Variants in RIT2 observed in about 807,000 individuals in gnomAD.
The protein encoded by RIT2 is Ras like without CAAX 2, also known as GTP-binding protein Rit2.
A neutral mutation model predicts 23.7 loss-of-function variants in RIT2; 24 were observed. The ratio of observed to expected loss-of-function variants is 1.01; its 90% CI spans 0.73 to 1.43. RIT2 has a LOEUF of 1.43. Ranked by LOEUF, RIT2 falls within the 40% of genes most tolerant of loss-of-function variation. RIT2 has a pLI of 0.00. For missense variants in RIT2, 236 were observed against 266.9 expected, an observed-to-expected ratio of 0.88 and a Z score of 0.81; for synonymous variants, 107 against 91.1, an observed-to-expected ratio of 1.17 and a Z score of -0.99.
chr18:42,751,225 A>C (rs1040625275), intron 4 of RIT2, among the ~76,000 whole-genome samples: 3 of 151,902 alleles, frequency 2.0e-5, no homozygotes, highest in Non-Finnish European at 4.4e-5. Context: ...ATTTCCACCA[A>C]CATAGAAAGG....
chr18:42,899,628 A>G (rs1908423210), intron 4 of RIT2, among the ~76,000 whole-genome samples: 1 of 151,890 alleles, frequency 6.6e-6, no homozygotes, highest in Non-Finnish European at 1.5e-5. Flanking sequence ...GGTAATGCAA[A>G]CCTGAGGTGC....
chr18:42,745,221 C>T (rs985825453), intron 4 of RIT2, among the ~76,000 whole-genome samples: 2 of 152,106 alleles, frequency 1.3e-5, no homozygotes, highest in African/African-American at 4.8e-5. Flanking sequence ...TCCTGAGTTA[C>T]CAGGACTCTG....
Position 42,858,074 on chromosome 18 carries a change from A to C in RIT2, c.426+65498T>G, listed in dbSNP as rs150456060. Among the ~76,000 whole-genome samples, 8 of 152,210 alleles carry C rather than the reference A, an allele frequency of 5.3e-5. No individual in the cohort carries two copies. In the East Asian group the frequency reaches 1.5e-3, roughly 29 times the overall value. On this transcript the variant is annotated intron_variant, in intron 4 of 4. Coordinates refer to ENST00000326695, the MANE Select transcript of RIT2 (RefSeq NM_002930.4). ...CGCGCGCCTGTAATCCCAGCTACTC[A>C]GGAGACTGAGGCAGGAGAATTGCTT...
rs58344278 is a variant in RIT2 at position 42,965,711 on chromosome 18, C to CTTTTTTTTTTTTTTTTTTT, written c.234+8344_234+8362dup. Among the ~76,000 whole-genome samples the CTTTTTTTTTTTTTTTTTTT allele has an allele frequency of 5.3e-5, 2 of 37,784 alleles. 1 individual carries two copies. The highest frequency in any genetic ancestry group is 1.9e-4 in the African/African-American group (2 of 10,616). 24.8% of individuals were successfully genotyped at this position (37,784 alleles called of 152,430 possible). On this transcript the variant is annotated intron_variant, in intron 3 of 4. Coordinates refer to ENST00000326695, the MANE Select transcript of RIT2 (RefSeq NM_002930.4). ...GGTAAACAAAGATGTGTACTGATGG[C>CTTTTTTTTTTTTTTTTTTT]TTTTTTTTTTTTTTTTTTTTTTTTT...
chr18:42,890,848 G>T (rs1424560269), intron 4 of RIT2, among the ~76,000 whole-genome samples: 2 of 152,014 alleles, frequency 1.3e-5, no homozygotes, highest in African/African-American at 4.8e-5. Flanking sequence ...CATAAACACA[G>T]AGCTATATTA....
chr18:42,998,632 A>G (rs1458458625), intron 2 of RIT2, among the ~76,000 whole-genome samples: 1 of 152,082 alleles, frequency 6.6e-6, no homozygotes, highest in Non-Finnish European at 1.5e-5. Context: ...AAAGCTATAC[A>G]CTGCATTGAG....
chr18:42,794,210 T>C (rs1015436700), intron 4 of RIT2, among the ~76,000 whole-genome samples: 3 of 152,092 alleles, frequency 2.0e-5, no homozygotes, highest in African/African-American at 7.2e-5. Context: ...GGCCACACGT[T>C]GCCTAGCAGA....
At position 42,971,220 on chromosome 18, in the gene RIT2, A is replaced by G. The variant is rs529220176; in HGVS notation, c.234+2854T>C. On this transcript the variant is annotated intron_variant, in intron 3 of 4. Transcript: ENST00000326695. ...TCAATGGTGTTCTCTCCTGTTTCCT[A>G]CAGGGAACATAAATTCTGTTAAAAC... is the stretch of plus-strand genomic sequence containing the variant. 2.2e-4 allele frequency among the ~76,000 whole-genome samples: 34 copies of G among 152,150 alleles called. No homozygotes were observed. The South Asian group carries it at 7.0e-3, about 32-fold the overall frequency.
At chr18:42,976,782 G>C (rs1910486614) in intron 2 of RIT2, among the ~76,000 whole-genome samples, 2 of 152,074 alleles carry the variant, frequency 1.3e-5, no homozygotes, top group South Asian at 4.1e-4. Flanking sequence ...AATGTGGTGA[G>C]TGAATTGCAA....
chr18:42,881,784 T>A (rs1253173611), intron 4 of RIT2, among the ~76,000 whole-genome samples: 1 of 152,194 alleles, frequency 6.6e-6, no homozygotes, highest in Non-Finnish European at 1.5e-5. Context: ...TTATGCTCAT[T>A]ATGGCCTATT....
chr18:42,968,263 T>C (rs1217860624), intron 3 of RIT2, among the ~76,000 whole-genome samples: 2 of 152,186 alleles, frequency 1.3e-5, no homozygotes, highest in Non-Finnish European at 1.5e-5. Flanking sequence ...GTGGTTTGGA[T>C]GACTATATAA....
intron 1 of RIT2, among the ~76,000 whole-genome samples, chr18:43,072,868 C>CT (rs1251658668): frequency 6.6e-6 from 1 of 152,144 alleles, no homozygotes; most frequent in African/African-American, 2.4e-5. Context: ...TTATTCAACA[C>CT]TTTAACACTT....
At chr18:42,788,470 C>T (rs1487929737) in intron 4 of RIT2, among the ~76,000 whole-genome samples, 1 of 152,154 alleles carries the variant, frequency 6.6e-6, no homozygotes. Context: ...GTCAATCTTG[C>T]AATTTGAATG....
At chr18:42,934,650 T>C (rs751243657) in intron 3 of RIT2, among the ~76,000 whole-genome samples, 27 of 152,182 alleles carry the variant, frequency 1.8e-4, no homozygotes, top group Non-Finnish European at 2.9e-4. Context: ...GATATTAACA[T>C]CATATGATAT....
At chr18:42,752,189 C>T (rs1233913886) in intron 4 of RIT2, among the ~76,000 whole-genome samples, 1 of 152,020 alleles carries the variant, frequency 6.6e-6, no homozygotes, top group Non-Finnish European at 1.5e-5. Context: ...CACAGCAGTC[C>T]ACTAGTGGTG....
intron 4 of RIT2, among the ~76,000 whole-genome samples, chr18:42,805,760 G>A (rs926341473): frequency 3.9e-5 from 6 of 151,926 alleles, no homozygotes; most frequent in Non-Finnish European, 8.8e-5. Flanking sequence ...GCAAAGTCAG[G>A]ATGCAGATAA....
chr18:42,872,885 T>C (rs1352357767), intron 4 of RIT2, among the ~76,000 whole-genome samples: 2 of 152,198 alleles, frequency 1.3e-5, no homozygotes, highest in Non-Finnish European at 2.9e-5. Context: ...CATAAACATA[T>C]GATATCATTT....
intron 3 of RIT2, among the ~76,000 whole-genome samples, chr18:42,927,801 G>A (rs1217218623): frequency 6.6e-6 from 1 of 151,856 alleles, no homozygotes; most frequent in Non-Finnish European, 1.5e-5. Flanking sequence ...ATGATCAGTT[G>A]CCTTTGATAT....
At chr18:43,057,797 A>ATTTTTTTTTTTTTT in intron 1 of RIT2, among the ~76,000 whole-genome samples, 1 of 85,026 alleles carries the variant, frequency 1.2e-5, no homozygotes, top group Non-Finnish European at 2.3e-5. Context: ...AGTGATGGAC[A>ATTTTTTTTTTTTTT]CTTTTTTTTT....
Sources: allele counts gnomAD v4.1 joint callset (sites outside exome capture counted in the v4.1 genomes callset), GRCh38; gene constraint gnomAD v4.1.1; transcripts MANE v1.5; gene names NCBI Gene and HGNC (gene_info 2026-07-23, HGNC 2026-07-21).